Variants in NRXN3 observed in about 807,000 individuals in gnomAD.
The protein encoded by NRXN3 is neurexin 3, also known as neurexin III.
Under a neutral mutation model 137.6 loss-of-function variants are expected in NRXN3, and 32 were observed. The ratio of observed to expected loss-of-function variants is 0.23; its 90% CI spans 0.18 to 0.31. The LOEUF is 0.31. Among genes scored for constraint, NRXN3 ranks in the 10% least tolerant of loss-of-function variants. NRXN3 has a pLI of 1.00. For missense variants in NRXN3, 1,574 were observed against 2,062.5 expected (o/e 0.76, Z 4.59); for synonymous variants, 798 against 784.5 (o/e 1.02, Z -0.29).
At chr14:78,826,682 G>A (rs2098967653) in intron 10 of NRXN3, among the ~76,000 whole-genome samples, 2 of 152,164 alleles carry the variant, frequency 1.3e-5, no homozygotes, top group South Asian at 4.1e-4. Flanking sequence ...TTTTGGTGAT[G>A]TGTTTGTCTA....
chr14:78,273,993 C>T (rs1236474906), intron 2 of NRXN3, among the ~76,000 whole-genome samples: 1 of 152,230 alleles, frequency 6.6e-6, no homozygotes, highest in Non-Finnish European at 1.5e-5. Context: ...GCTGTGCAGC[C>T]TGTCCCATGC....
chr14:79,806,242 CTAATTCTAGAAAATT>C (rs1250770337), intron 20 of NRXN3, among the ~76,000 whole-genome samples: 3 of 151,924 alleles, frequency 2.0e-5, no homozygotes, highest in Non-Finnish European at 4.4e-5. Context: ...TTCTCTTTTG[CTAATTCTAGAAAATT>C]TAAGCTTCAT....
At position 78,796,728 on chromosome 14, in the gene NRXN3, GC is replaced by G. The variant is rs143326259; in HGVS notation, c.2045-6890del. ...AGGGCAGATTTGAAAGCATTCTCAAGCCATACACAGATGCCTCATCCAGGAG... is the reference window on the plus strand; with the variant it reads ...AGGGCAGATTTGAAAGCATTCTCAAGCATACACAGATGCCTCATCCAGGAG... On this transcript the variant is annotated intron_variant, in intron 8 of 20. Transcript: ENST00000335750. Among the ~76,000 whole-genome samples the G allele has an allele frequency of 5.4e-3, 820 of 152,278 alleles. 12 individuals are homozygous for G. The highest frequency in any genetic ancestry group is 0.019 in the African/African-American group (778 of 41,552).
chr14:78,417,233 C>T (rs1487470580), intron 4 of NRXN3, among the ~76,000 whole-genome samples: 10 of 152,196 alleles, frequency 6.6e-5, no homozygotes, highest in East Asian at 1.9e-4. Context: ...CTTCATCTTG[C>T]GCCACTGCCC....
At chr14:79,057,867 G>A (rs2099667890) in intron 15 of NRXN3, among the ~76,000 whole-genome samples, 1 of 151,624 alleles carries the variant, frequency 6.6e-6, no homozygotes, top group Non-Finnish European at 1.5e-5. Flanking sequence ...GATGAGACGA[G>A]GTTAAAAAAA....
intron 4 of NRXN3, among the ~76,000 whole-genome samples, chr14:78,364,428 C>A (rs1279518479): frequency 1.3e-5 from 2 of 152,002 alleles, no homozygotes; most frequent in African/African-American, 4.8e-5. Context: ...ACAAGGCGTG[C>A]CTATTGCAGG....
chr14:79,241,371 T>C (rs530159430), intron 15 of NRXN3, among the ~76,000 whole-genome samples: 2 of 152,172 alleles, frequency 1.3e-5, no homozygotes, highest in South Asian at 4.1e-4. Context: ...AGGAAAGAGG[T>C]CCAGTGGACT....
intron 15 of NRXN3, among the ~76,000 whole-genome samples, chr14:79,454,758 A>C (rs1412337220): frequency 2.0e-5 from 3 of 152,160 alleles, no homozygotes; most frequent in Admixed American, 2.0e-4. Context: ...TCTTAATTAA[A>C]TTTTAGAGGG....
chr14:78,458,457 G>A (rs1489634658), intron 4 of NRXN3, among the ~76,000 whole-genome samples: 2 of 152,164 alleles, frequency 1.3e-5, no homozygotes, highest in Admixed American at 6.5e-5. Context: ...AAAACCCTAG[G>A]CAGTCTGTAC....
chr14:78,884,305 C>A (rs1274584026), intron 10 of NRXN3, among the ~76,000 whole-genome samples: 2 of 151,936 alleles, frequency 1.3e-5, no homozygotes, highest in Non-Finnish European at 2.9e-5. Flanking sequence ...GATTTTTAAT[C>A]CTGGGATATG....
At chr14:78,625,346 G>T (rs1196138613) in intron 4 of NRXN3, among the ~76,000 whole-genome samples, 2 of 152,210 alleles carry the variant, frequency 1.3e-5, no homozygotes, top group Non-Finnish European at 2.9e-5. Context: ...ATACCCAAAA[G>T]ATATTAATCT....
intron 4 of NRXN3, among the ~76,000 whole-genome samples, chr14:78,325,098 C>T (rs1382840290): frequency 2.0e-5 from 3 of 151,928 alleles, no homozygotes; most frequent in African/African-American, 7.3e-5. Flanking sequence ...GAGGGAATTT[C>T]CTTGAGGACA....
At chr14:78,420,315 G>A (rs982560142) in intron 4 of NRXN3, among the ~76,000 whole-genome samples, 1 of 152,200 alleles carries the variant, frequency 6.6e-6, no homozygotes, top group African/African-American at 2.4e-5. Flanking sequence ...AGGAAAGGTA[G>A]TAGAGAAAAG....
Position 78,324,218 on chromosome 14 carries a change from G to T in NRXN3, c.757+26358G>T, listed in dbSNP as rs887381157. Among the ~76,000 whole-genome samples the T allele has an allele frequency of 2.6e-4, 40 of 152,044 alleles. 1 individual carries two copies. Among genetic ancestry groups the T allele is most frequent in the Non-Finnish European group, 4.9e-4 (33 of 68,036 alleles). ...GGGGATAAACCCGCTTACCACATGGGGTATGAGGATCTGATGAGAGAATGG... is the reference window on the plus strand; with the variant it reads ...GGGGATAAACCCGCTTACCACATGGTGTATGAGGATCTGATGAGAGAATGG... On this transcript the variant is annotated intron_variant, in intron 4 of 20. Transcript: ENST00000335750.
chr14:79,703,190 G>A (rs1027678180), intron 19 of NRXN3, among the ~76,000 whole-genome samples: 12 of 152,126 alleles, frequency 7.9e-5, no homozygotes, highest in African/African-American at 2.9e-4. Flanking sequence ...GTGGTTGAAT[G>A]TGAACCACTT....
chr14:78,768,305 T>C (rs749777313), intron 8 of NRXN3, among the ~76,000 whole-genome samples: 66 of 152,320 alleles, frequency 4.3e-4, no homozygotes, highest in Non-Finnish European at 5.9e-5. Context: ...AGTCTCATTA[T>C]TTTTGTAAAA....
At chr14:78,954,771 T>TTG (rs1567809923) in intron 10 of NRXN3, among the ~76,000 whole-genome samples, 3 of 147,140 alleles carry the variant, frequency 2.0e-5, no homozygotes, top group African/African-American at 5.3e-5. Context: ...GGCCTGGTTT[T>TTG]TTTTTTTTTT....
chr14:78,624,711 G>A (rs1256545347), intron 4 of NRXN3, among the ~76,000 whole-genome samples: 7 of 152,176 alleles, frequency 4.6e-5, no homozygotes, highest in African/African-American at 7.2e-5. Context: ...AAGAGACCTC[G>A]CCTGGGTCTG....
At position 78,443,058 on chromosome 14, in the gene NRXN3, G is replaced by A. The variant is rs150820226; in HGVS notation, c.757+145198G>A. 3.0e-3 allele frequency among the ~76,000 whole-genome samples: 463 copies of A among 152,286 alleles called. 4 individuals are homozygous for A. Among genetic ancestry groups the A allele is most frequent in the African/African-American group, 0.011 (449 of 41,566 alleles). ...TGGGCCAACGCTAAACCATCTTTTG[G>A]TTCCAAATCTATTTCCTTTAACTGT... On this transcript the variant is annotated intron_variant, in intron 4 of 20. Coordinates refer to ENST00000335750, the MANE Select transcript of NRXN3 (RefSeq NM_001330195.2).
Sources: allele counts gnomAD v4.1 joint callset (sites outside exome capture counted in the v4.1 genomes callset), GRCh38; gene constraint gnomAD v4.1.1; transcripts MANE v1.5; gene names NCBI Gene and HGNC (gene_info 2026-07-23, HGNC 2026-07-21).